Variants in ZNF730 observed in about 807,000 individuals in gnomAD.
ZNF730 encodes the protein zinc finger protein 730, also known as putative zinc finger protein 730.
Under a neutral mutation model 12.6 loss-of-function variants are expected in ZNF730, and 12 were observed. The observed-to-expected ratio is 0.95, with a 90% CI of 0.61 to 1.54. ZNF730 has a LOEUF of 1.54. Among genes scored for constraint, ZNF730 ranks in the 40% most tolerant of loss-of-function variants. The pLI is 0.00. For missense variants in ZNF730, 643 were observed against 583.5 expected (o/e 1.10, Z -1.05); for synonymous variants, 194 against 195.8 (o/e 0.99, Z 0.08).
chr19:23,145,302 G>T lies in ZNF730; in HGVS notation c.258G>T (p.Trp86Cys). The change falls in exon 4 of 4, where the codon TGG becomes TGT. Residue 86 changes from tryptophan (W) to cysteine (C), a missense_variant. Trp to Cys is a radical substitution (Grantham distance 215). Coordinates refer to ENST00000597761, the MANE Select transcript of ZNF730 (RefSeq NM_001277403.2). ...GTTCTCATATTGCCCAAGACCTTTG[G>T]CCAGAGCAAGGCATAAAAGATTATT... Reference protein sequence around the residue: ...VICSHIAQDLWPEQGIKDYFQ... With the variant: ...VICSHIAQDLCPEQGIKDYFQ... 6.4e-7 allele frequency: 1 copy of T among 1,567,626 alleles called. No individual in the cohort carries two copies. The highest frequency in any genetic ancestry group is 8.6e-7 in the Non-Finnish European group (1 of 1,160,558).
In ZNF730 at chr19:23,145,714, GA is replaced by G. The variant is rs1348176833; in HGVS notation, c.671del (p.Glu224GlyfsTer137). ...SNCTTHKRIT[E>X]KKPYKCKECG... The stretch of plus-strand genomic sequence containing the variant: ...CTGTACTACACATAAAAGAATTACT[GA>G]GAAAAAACCTTACAAATGTAAAGAA... On this transcript the variant is annotated frameshift_variant, in exon 4 of 4. Coordinates refer to ENST00000597761, the MANE Select transcript of ZNF730 (RefSeq NM_001277403.2). LOFTEE classifies it low-confidence loss of function (END_TRUNC). 3.5e-5 allele frequency: 55 copies of G among 1,555,844 alleles called. No individual in the cohort carries two copies. Among genetic ancestry groups the G allele is most frequent in the Non-Finnish European group, 4.4e-5 (51 of 1,151,702 alleles).
Position 23,134,144 on chromosome 19 carries a change from C to T in ZNF730, c.68C>T (p.Thr23Ile). Residue 23 changes from threonine to isoleucine, a missense_variant, in exon 2 of 4, where the codon ACC becomes ATC. Transcript: ENST00000597761. ...CTGGAGGAGTGGCAATGTCTGGACA[C>T]CGAACAACAGAATTTATATAGAAAT... is the stretch of plus-strand genomic sequence containing the variant. Reference protein sequence around the residue: ...FSLEEWQCLDTEQQNLYRNVM... With the variant: ...FSLEEWQCLDIEQQNLYRNVM... The T allele has an allele frequency of 6.2e-7, 1 of 1,613,036 alleles. No homozygotes were observed. The highest frequency in any genetic ancestry group is 1.1e-5 in the South Asian group (1 of 90,926).
chr19:23,121,766 A>G (rs1970602375), intron 1 of ZNF730, among the ~76,000 whole-genome samples: 1 of 152,232 alleles, frequency 6.6e-6, no homozygotes, highest in Non-Finnish European at 1.5e-5. Flanking sequence ...GTCTGCATCC[A>G]GTGTCTACTG....
chr19:23,142,735 T>C (rs12979397), intron 3 of ZNF730, among the ~76,000 whole-genome samples: 93,532 of 147,668 alleles, frequency 0.63, 30,785 homozygotes, highest in East Asian at 0.85. Flanking sequence ...GAAAGTTAAT[T>C]ATATATATTT....
At chr19:23,113,167 A>G (rs1232814294), upstream of ZNF730, among the ~76,000 whole-genome samples, 2 of 152,202 alleles carry the variant, frequency 1.3e-5, no homozygotes, top group African/African-American at 2.4e-5. Context: ...ACAGAGATGC[A>G]GTTGTAGGGG....
Position 23,085,681 on chromosome 19 carries a change from T to A in ZNF730, c.-94+10294T>A, listed in dbSNP as rs866782370. Among the ~76,000 whole-genome samples, 9 of 150,168 alleles carry A rather than the reference T, an allele frequency of 6.0e-5. 1 individual carries two copies. The Middle Eastern group carries it at 0.014, about 230-fold the overall frequency. ...TCCCACCACCAAGTTTGGCTAATTA[T>A]TTTTTTGTATTTTTAGTAGAGATAG... On this transcript the variant is annotated intron_variant, in intron 1 of 2. Transcript: ENST00000593635.
intron 1 of ZNF730, among the ~76,000 whole-genome samples, chr19:23,129,572 T>TTCCC (rs1555715538): frequency 5.1e-5 from 7 of 138,486 alleles, no homozygotes; most frequent in Middle Eastern, 3.5e-3. Context: ...AATGCTTGTA[T>TTCCC]CCCCCCCCCC....
At chr19:23,075,513 GC>G (rs1199953654) in intron 1 of ZNF730, 3 of 152,398 alleles carry the variant, frequency 2.0e-5, no homozygotes, top group African/African-American at 7.2e-5. Context: ...TCGGCCCCAG[GC>G]GTCTCTGGCC....
At chr19:23,131,946 T>C (rs1970748089) in intron 1 of ZNF730, among the ~76,000 whole-genome samples, 1 of 152,022 alleles carries the variant, frequency 6.6e-6, no homozygotes, top group South Asian at 2.1e-4. Context: ...GTCTCATCTT[T>C]GCACTAAAGG....
intron 1 of ZNF730, among the ~76,000 whole-genome samples, chr19:23,100,727 C>T (rs1970327106): frequency 7.2e-6 from 1 of 138,304 alleles, no homozygotes; most frequent in Non-Finnish European, 1.5e-5. Flanking sequence ...GCAATCTTGG[C>T]TCACTGCAAC....
chr19:23,113,329 C>T (rs2145579504), upstream of ZNF730, among the ~76,000 whole-genome samples: 1 of 152,318 alleles, frequency 6.6e-6, no homozygotes, highest in East Asian at 1.9e-4. Context: ...AGTAGTCTCC[C>T]TGCTGCATTG....
intron 1 of ZNF730, chr19:23,127,860 A>G (rs940176193): frequency 3.0e-6 from 2 of 659,680 alleles, no homozygotes; most frequent in African/African-American, 3.6e-5. Flanking sequence ...ATACCCGTAT[A>G]GAAGAGGATG....
At chr19:23,114,236 C>T (rs532681426), upstream of ZNF730, among the ~76,000 whole-genome samples, 11 of 151,808 alleles carry the variant, frequency 7.2e-5, no homozygotes, top group African/African-American at 2.4e-4. Flanking sequence ...ACTCAATTTG[C>T]AAATCCCTCT....
chr19:23,113,235 TG>T (rs1446576634), upstream of ZNF730, among the ~76,000 whole-genome samples: 9 of 152,188 alleles, frequency 5.9e-5, no homozygotes, highest in Non-Finnish European at 1.2e-4. Context: ...ATTTGATCTA[TG>T]TAATGTTAGT....
At chr19:23,111,948 A>C (rs755971607) in intron 1 of ZNF730, among the ~76,000 whole-genome samples, 3 of 152,256 alleles carry the variant, frequency 2.0e-5, no homozygotes, top group African/African-American at 7.2e-5. Flanking sequence ...TAATATTACT[A>C]AATTCAAAAA....
At position 23,146,883 on chromosome 19, in the gene ZNF730, C is replaced by A; in HGVS notation, c.*327C>A. 1.6e-6 allele frequency: 1 copy of A among 608,330 alleles called. No individual in the cohort carries two copies. The highest frequency in any genetic ancestry group is 2.1e-5 in the South Asian group (1 of 47,642). 37.7% of individuals were successfully genotyped at this position (608,330 alleles called of 1,614,324 possible). A position where few individuals can be genotyped will look rare whatever the true frequency, so the allele number is the denominator to read the frequency against. The stretch of plus-strand genomic sequence containing the variant: ...ACATGATTCATACCAGAGAGAAACT[C>A]TACAAACCTGAAAGTTTTAACAGTG... On this transcript the variant is annotated 3_prime_UTR_variant, in exon 4 of 4. Transcript: ENST00000597761.
chr19:23,128,398 G>A (rs1273992975), intron 1 of ZNF730: 9 of 445,040 alleles, frequency 2.0e-5, no homozygotes, highest in Non-Finnish European at 3.4e-5. Context: ...GAAAGCTCAT[G>A]CTGCTATGTG....
chr19:23,090,227 A>G (rs1239351921), intron 1 of ZNF730, among the ~76,000 whole-genome samples: 2 of 151,582 alleles, frequency 1.3e-5, no homozygotes, highest in African/African-American at 4.9e-5. Flanking sequence ...GCCTGGCAAC[A>G]AAATGAGACT....
chr19:23,075,457 A>C (rs1183551257), intron 1 of ZNF730: 1 of 152,484 alleles, frequency 6.6e-6, no homozygotes. Flanking sequence ...CGGCCTCCCC[A>C]CAGTCCGCTC....
Sources: allele counts gnomAD v4.1 joint callset (sites outside exome capture counted in the v4.1 genomes callset), GRCh38; gene constraint gnomAD v4.1.1; transcripts MANE v1.5; gene names NCBI Gene and HGNC (gene_info 2026-07-23, HGNC 2026-07-21).